The following SPOCK1 variants were observed in gnomAD, a reference collection of about 807,000 sequenced individuals.
SPOCK1 encodes SPARC (osteonectin), cwcv and kazal like domains proteoglycan 1.
In SPOCK1, 23 loss-of-function variants were observed where a neutral mutation model predicts 55.3. The observed-to-expected ratio is 0.42, with a 90% CI of 0.30 to 0.59. The LOEUF is 0.59. Among genes scored for constraint, SPOCK1 ranks in the 20% least tolerant of loss-of-function variants. The probability of loss-of-function intolerance (pLI) is 0.22; values close to 1 mark genes in which losing one functional copy is unlikely to be tolerated. For synonymous variants in SPOCK1, 226 were observed against 221.0 expected (o/e 1.02, Z -0.20); for missense variants, 499 against 552.5 (o/e 0.90, Z 0.97).
In SPOCK1 at chr5:136,978,644, C is replaced by A. The variant is rs956792771; in HGVS notation, c.*10G>T. ...TTTGTGCAAAACTTGTGTCCTCTTT[C>A]TTGTGGGCACTACCATATGTACCCG... On this transcript the variant is annotated 3_prime_UTR_variant, in exon 11 of 11. Transcript: ENST00000394945. The A allele has an allele frequency of 6.3e-7, 1 of 1,583,430 alleles. No individual in the cohort carries two copies. The highest frequency in any genetic ancestry group is 2.2e-5 in the East Asian group (1 of 44,508).
intron 4 of SPOCK1, among the ~76,000 whole-genome samples, chr5:137,137,360 G>A (rs1373953838): frequency 1.3e-5 from 2 of 152,168 alleles, no homozygotes; most frequent in African/African-American, 4.8e-5. Context: ...CTGGTCAGAG[G>A]GGACTCCTGG....
At chr5:137,038,206 A>G (rs904465388) in intron 6 of SPOCK1, among the ~76,000 whole-genome samples, 2 of 152,226 alleles carry the variant, frequency 1.3e-5, no homozygotes, top group African/African-American at 2.4e-5. Flanking sequence ...TTGTCACCAA[A>G]GTCTGAGACT....
At chr5:137,169,738 G>A (rs1040996356) in intron 3 of SPOCK1, among the ~76,000 whole-genome samples, 1 of 152,158 alleles carries the variant, frequency 6.6e-6, no homozygotes, top group African/African-American at 2.4e-5. Context: ...AGAAGTCTGG[G>A]AAGTAAGATG....
intron 3 of SPOCK1, among the ~76,000 whole-genome samples, chr5:137,214,667 C>T (rs1755681135): frequency 1.3e-5 from 2 of 152,260 alleles, no homozygotes; most frequent in East Asian, 3.9e-4. Context: ...CAATACCTCA[C>T]ATACCAAGTG....
intron 2 of SPOCK1, among the ~76,000 whole-genome samples, chr5:137,379,356 T>A (rs548291912): frequency 2.7e-4 from 41 of 152,240 alleles, no homozygotes; most frequent in Admixed American, 1.0e-3. Flanking sequence ...TCTATTTTAA[T>A]CTCCTTCAAA....
chr5:137,482,517 C>A (rs995163360), intron 2 of SPOCK1, among the ~76,000 whole-genome samples: 5 of 152,120 alleles, frequency 3.3e-5, no homozygotes, highest in Non-Finnish European at 1.5e-5. Context: ...CTAGATGCCA[C>A]AATACAGGAG....
intron 3 of SPOCK1, among the ~76,000 whole-genome samples, chr5:137,144,805 G>A (rs1257750448): frequency 6.6e-6 from 1 of 152,214 alleles, no homozygotes; most frequent in East Asian, 1.9e-4. Flanking sequence ...AACTGTAGGT[G>A]AGAAGGTAGG....
intron 4 of SPOCK1, among the ~76,000 whole-genome samples, chr5:137,125,313 T>A (rs1407469096): frequency 2.0e-5 from 3 of 152,202 alleles, no homozygotes; most frequent in Non-Finnish European, 1.5e-5. Flanking sequence ...AGAGGGAATC[T>A]GGGCATTGCA....
intron 3 of SPOCK1, among the ~76,000 whole-genome samples, chr5:137,243,348 T>C (rs770521607): frequency 5.9e-5 from 9 of 152,248 alleles, no homozygotes; most frequent in Non-Finnish European, 1.3e-4. Flanking sequence ...TAGTATTTTA[T>C]ATTTTAAATT....
chr5:137,418,165 T>C (rs936054969), intron 2 of SPOCK1, among the ~76,000 whole-genome samples: 5 of 152,190 alleles, frequency 3.3e-5, no homozygotes, highest in African/African-American at 1.2e-4. Flanking sequence ...TAGTATTCCA[T>C]GGTGTATATG....
intron 2 of SPOCK1, among the ~76,000 whole-genome samples, chr5:137,319,981 T>C (rs1580865056): frequency 7.0e-6 from 1 of 142,020 alleles, no homozygotes; most frequent in Admixed American, 7.0e-5. Context: ...AAACAACACA[T>C]GATCCAAAAA....
intron 5 of SPOCK1, among the ~76,000 whole-genome samples, chr5:137,077,365 T>G (rs548655778): frequency 3.2e-4 from 49 of 152,274 alleles, no homozygotes; most frequent in African/African-American, 1.2e-3. Flanking sequence ...GAGACAGAAA[T>G]TATGCCAGAG....
intron 2 of SPOCK1, among the ~76,000 whole-genome samples, chr5:137,418,056 T>G (rs1752385091): frequency 6.6e-6 from 1 of 152,222 alleles, no homozygotes; most frequent in African/African-American, 2.4e-5. Context: ...CATGTGGTGT[T>G]TGATTTGTTG....
chr5:137,375,153 T>TAA (rs141539420), intron 2 of SPOCK1, among the ~76,000 whole-genome samples: 1 of 151,884 alleles, frequency 6.6e-6, no homozygotes, highest in Non-Finnish European at 1.5e-5. Flanking sequence ...AGCCAAGCTT[T>TAA]AAAAAAAAGT....
At chr5:137,052,236 T>A (rs1229434207) in intron 6 of SPOCK1, among the ~76,000 whole-genome samples, 1 of 152,220 alleles carries the variant, frequency 6.6e-6, no homozygotes, top group Non-Finnish European at 1.5e-5. Flanking sequence ...ACCACTTGAC[T>A]CATTTTATGT....
chr5:137,029,976 T>C (rs1312788259), intron 6 of SPOCK1, among the ~76,000 whole-genome samples: 1 of 152,210 alleles, frequency 6.6e-6, no homozygotes, highest in African/African-American at 2.4e-5. Flanking sequence ...TTAGAAATCA[T>C]GTGGGCTGGG....
intron 2 of SPOCK1, among the ~76,000 whole-genome samples, chr5:137,373,451 C>A (rs1751245161): frequency 6.6e-6 from 1 of 152,184 alleles, no homozygotes; most frequent in Non-Finnish European, 1.5e-5. Context: ...CCTGCCCCAC[C>A]AATTCCCCTG....
chr5:137,111,955 A>G (rs552282065), intron 5 of SPOCK1, among the ~76,000 whole-genome samples: 1 of 152,244 alleles, frequency 6.6e-6, no homozygotes, highest in Admixed American at 6.5e-5. Flanking sequence ...CCAGAAAAGA[A>G]CAGTGCCTTA....
chr5:136,992,575 G>C lies in SPOCK1; in HGVS notation c.615C>G (p.Asn205Lys), dbSNP rs779934937. 6.2e-7 allele frequency: 1 copy of C among 1,613,872 alleles called. No homozygotes were observed. Among genetic ancestry groups the C allele is most frequent in the East Asian group, 2.2e-5 (1 of 44,860 alleles). The change falls in exon 7 of 11, where the codon AAC becomes AAG. Residue 205 changes from asparagine (N) to lysine (K), a missense_variant. Around this residue, in one of 3 missense-constraint regions of SPOCK1, gnomAD observed 386 missense variants for 400.6 expected, o/e 0.96. Transcript: ENST00000394945. The stretch of plus-strand genomic sequence containing the variant: ...ACCAATCCTTCAGCCGGGAGGCAAG[G>C]TTCCGCAACTCCTTGTCTGTGCAGG... The part of the protein sequence containing the change: ...RSACTDKELR[N>K]LASRLKDWFG...
Sources: allele counts gnomAD v4.1 joint callset (sites outside exome capture counted in the v4.1 genomes callset), GRCh38; gene constraint gnomAD v4.1.1; regional missense constraint gnomAD v4.1.1; transcripts MANE v1.5; gene names NCBI Gene and HGNC (gene_info 2026-07-23, HGNC 2026-07-21).